VCPIP1: variants seen among roughly 807,000 people sequenced by gnomAD.
The protein encoded by VCPIP1 is valosin containing protein interacting protein 1, also known as deubiquitinating protein VCPIP1.
Under a neutral mutation model 85.0 loss-of-function variants are expected in VCPIP1, and 8 were observed. That is an observed-to-expected ratio of 0.09 (90% CI 0.06 to 0.17). The LOEUF (loss-of-function observed/expected upper bound fraction) is 0.17. Among genes scored for constraint, VCPIP1 ranks in the 10% least tolerant of loss-of-function variants. The pLI is 1.00. For synonymous variants in VCPIP1, 543 were observed against 544.5 expected (o/e 1.00, Z 0.04); for missense variants, 1,070 against 1,486.3 (o/e 0.72, Z 4.61).
chr8:66,666,660 C>T lies in VCPIP1; in HGVS notation c.299G>A (p.Arg100Gln). Residue 100 changes from arginine (R) to glutamine (Q), a missense_variant, in exon 1 of 3, where the codon CGG (arginine) becomes CAG (glutamine). Physicochemically the swap from Arg to Gln is conservative, Grantham distance 43. Transcript: ENST00000310421. The surrounding 1 kb of genome is among the most constrained non-coding windows in gnomAD (Gnocchi z 6.3). ...DPDVVLHNLL[R>Q]NALLGVTGAP... is the part of the protein sequence containing the mutation. ...CCCCGTAACCCCGAGCAGCGCGTTC[C>T]GCAGCAGGTTGTGTAGCACTACGTC... is the stretch of plus-strand genomic sequence containing the variant. The T allele has an allele frequency of 6.2e-7, 1 of 1,614,198 alleles. No homozygotes were observed. The highest frequency in any genetic ancestry group is 8.5e-7 in the Non-Finnish European group (1 of 1,180,038).
In VCPIP1 at chr8:66,632,364, A is replaced by G. The variant is rs1183450737; in HGVS notation, c.*2137T>C. The stretch of plus-strand genomic sequence containing the variant: ...ATCACTTATCAGAATTGAGCCTTTT[A>G]TTCATTTATCAAGGGAGAACCCAAA... On this transcript the variant is annotated 3_prime_UTR_variant, in exon 3 of 3. Transcript: ENST00000310421. 1 of 152,124 alleles carries G rather than the reference A, an allele frequency of 6.6e-6. No homozygotes were observed. Among genetic ancestry groups the G allele is most frequent in the Admixed American group, 6.5e-5 (1 of 15,274 alleles). The allele number at this position is 152,124 out of a possible 1,614,324, so 9.4% of individuals were successfully genotyped here.
chr8:66,643,206 C>T (rs547418216), intron 2 of VCPIP1, among the ~76,000 whole-genome samples: 1 of 151,954 alleles, frequency 6.6e-6, no homozygotes, highest in African/African-American at 2.4e-5. Context: ...GCCTTTAATC[C>T]CAGCTACTTG....
rs1810803181 is a variant in VCPIP1 at position 66,628,715 on chromosome 8, G to A, written c.*5786C>T. 1 of 152,220 alleles carries A rather than the reference G, an allele frequency of 6.6e-6. No individual in the cohort carries two copies. Among genetic ancestry groups the A allele is most frequent in the African/African-American group, 2.4e-5 (1 of 41,456 alleles). 9.4% of individuals were successfully genotyped at this position (152,220 alleles called of 1,614,324 possible). A position where few individuals can be genotyped will look rare whatever the true frequency, so the allele number is the denominator to read the frequency against. ...CCTCAAGTCCAAGTTTGGGATAACT[G>A]TAGCCAACACCTAAAGGAAAGGTAA... is the stretch of plus-strand genomic sequence containing the variant. On this transcript the variant is annotated 3_prime_UTR_variant, in exon 3 of 3. Transcript: ENST00000310421.
chr8:66,646,646 A>G (rs1810998069), intron 2 of VCPIP1, among the ~76,000 whole-genome samples: 1 of 152,102 alleles, frequency 6.6e-6, no homozygotes, highest in African/African-American at 2.4e-5. Flanking sequence ...AATTACAAAA[A>G]TTAGCCAGGT....
At chr8:66,635,913 C>CAAA (rs1187108604) in intron 2 of VCPIP1, among the ~76,000 whole-genome samples, 8 of 75,714 alleles carry the variant, frequency 1.1e-4, no homozygotes, top group Admixed American at 1.6e-4. Context: ...AACTCTATCT[C>CAAA]AAAAAAAAAA....
intron 2 of VCPIP1, among the ~76,000 whole-genome samples, chr8:66,643,282 C>T (rs908007533): frequency 9.9e-5 from 15 of 150,920 alleles, no homozygotes; most frequent in African/African-American, 3.7e-4. Flanking sequence ...GAGATCACGG[C>T]ACTGCACTCC....
Position 66,656,943 on chromosome 8 carries a change from T to C in VCPIP1, c.2711-5399A>G, listed in dbSNP as rs1244687541. Among the ~76,000 whole-genome samples the C allele has an allele frequency of 2.6e-5, 4 of 152,118 alleles. No individual in the cohort carries two copies. In the East Asian group the frequency reaches 7.7e-4, roughly 29 times the overall value. ...ATTTTTGAGACAGAATCTTGCTCTG[T>C]CCCCCAGCCTGAAGTGCAGTGGCGC... On this transcript the variant is annotated intron_variant, in intron 1 of 2. Transcript: ENST00000310421.
At chr8:66,660,158 C>A (rs1392892949) in intron 1 of VCPIP1, among the ~76,000 whole-genome samples, 1 of 152,164 alleles carries the variant, frequency 6.6e-6, no homozygotes, top group Non-Finnish European at 1.5e-5. Context: ...GTACACTCAA[C>A]ATACATACAA....
intron 1 of VCPIP1, among the ~76,000 whole-genome samples, chr8:66,658,970 G>C (rs1040897646): frequency 1.3e-5 from 2 of 152,114 alleles, no homozygotes; most frequent in African/African-American, 4.8e-5. Flanking sequence ...AGTAAAGCAA[G>C]GAAGTGTCAT....
At chr8:66,643,594 C>T (rs113333418) in intron 2 of VCPIP1, among the ~76,000 whole-genome samples, 5 of 150,408 alleles carry the variant, frequency 3.3e-5, no homozygotes, top group Non-Finnish European at 5.9e-5. Context: ...CCCAGCTACT[C>T]GGGGAGGCTG....
In VCPIP1 at chr8:66,630,897, T is replaced by A. The variant is rs1404486507; in HGVS notation, c.*3604A>T. 1 of 152,590 alleles carries A rather than the reference T, an allele frequency of 6.6e-6. No individual in the cohort carries two copies. Among genetic ancestry groups the A allele is most frequent in the Non-Finnish European group, 1.5e-5 (1 of 67,980 alleles). The allele number at this position is 152,590 out of a possible 1,614,324, so 9.5% of individuals were successfully genotyped here. On this transcript the variant is annotated 3_prime_UTR_variant, in exon 3 of 3. Transcript: ENST00000310421. ...GTTGTTTTATTTCTTAAATATACAT[T>A]CTACTAAGGAATATTTTCATGTGAA...
intron 2 of VCPIP1, among the ~76,000 whole-genome samples, chr8:66,638,897 A>C (rs1289371794): frequency 6.6e-6 from 1 of 150,386 alleles, no homozygotes; most frequent in Non-Finnish European, 1.5e-5. Context: ...TTTGCCATTC[A>C]TTTCTTCATT....
In VCPIP1 at chr8:66,666,635, C is replaced by T; in HGVS notation, c.324G>A (p.Gly108=). 2 of 1,614,166 alleles carry T rather than the reference C, an allele frequency of 1.2e-6. No individual in the cohort carries two copies. Among genetic ancestry groups the T allele is most frequent in the Non-Finnish European group, 1.7e-6 (2 of 1,180,024 alleles). The change falls in exon 1 of 3, where the codon GGG becomes GGA. Residue 108 remains glycine (G), a synonymous_variant. Transcript: ENST00000310421. This position sits in a 1 kb window ranked among gnomAD's most constrained non-coding sequence, Gnocchi z 6.3. ...LLRNALLGVT[G]APKKNTELVK... is the part of the protein sequence containing the mutation. ...CCAGTTCCGTGTTCTTCTTGGGTGCCCCCGTAACCCCGAGCAGCGCGTTCC... is the reference window on the plus strand; with the variant it reads ...CCAGTTCCGTGTTCTTCTTGGGTGCTCCCGTAACCCCGAGCAGCGCGTTCC...
In VCPIP1 at chr8:66,646,182, C is replaced by G. The variant is rs144490238; in HGVS notation, c.2797+5276G>C. The stretch of plus-strand genomic sequence containing the variant: ...CCACCTCCTGGGTTCAAGGGCTTCT[C>G]CTGCCTCAGCCTCCCAAATAGCTGG... On this transcript the variant is annotated intron_variant, in intron 2 of 2. Coordinates refer to ENST00000310421, the MANE Select transcript of VCPIP1 (RefSeq NM_025054.5). 3.7e-3 allele frequency among the ~76,000 whole-genome samples: 554 copies of G among 151,766 alleles called. 38 individuals carry two copies. In the East Asian group the frequency reaches 0.099, roughly 27 times the overall value.
chr8:66,640,163 T>A (rs1207941212), intron 2 of VCPIP1, among the ~76,000 whole-genome samples: 4 of 152,072 alleles, frequency 2.6e-5, no homozygotes, highest in Non-Finnish European at 4.4e-5. Context: ...CAGAAAAAAA[T>A]TCTATTTTGG....
intron 1 of VCPIP1, among the ~76,000 whole-genome samples, chr8:66,654,876 A>G (rs1811085261): frequency 6.6e-6 from 1 of 152,216 alleles, no homozygotes; most frequent in African/African-American, 2.4e-5. Context: ...GGCAAAGTCC[A>G]AGTTCCTTTT....
chr8:66,636,613 C>A (rs907390181), intron 2 of VCPIP1, among the ~76,000 whole-genome samples: 1 of 151,264 alleles, frequency 6.6e-6, no homozygotes, highest in African/African-American at 2.4e-5. Flanking sequence ...CATGGTGGTG[C>A]GCGCCTGTAG....
In VCPIP1 at chr8:66,644,586, T is replaced by TTCA. The variant is rs1810976433; in HGVS notation, c.2797+6871_2797+6872insTGA. ...ATCTGTGAAAAACCTGCAAGCTGAA[T>TTCA]GCTTCCAAGATATGGAAAAAGGAAA... On this transcript the variant is annotated intron_variant, in intron 2 of 2. Coordinates refer to ENST00000310421, the MANE Select transcript of VCPIP1 (RefSeq NM_025054.5). Among the ~76,000 whole-genome samples the TTCA allele has an allele frequency of 3.3e-5, 5 of 152,276 alleles. No individual in the cohort carries two copies. The South Asian group carries it at 1.0e-3, about 32-fold the overall frequency.
intron 1 of VCPIP1, 138 bp from the exon 2 acceptor site, chr8:66,651,682 G>A: frequency 1.7e-6 from 1 of 593,598 alleles, no homozygotes; most frequent in Non-Finnish European, 2.9e-6. Context: ...GCCATAGAGG[G>A]ATGATACTGA....
Sources: allele counts gnomAD v4.1 joint callset (sites outside exome capture counted in the v4.1 genomes callset), GRCh38; gene constraint gnomAD v4.1.1; non-coding constraint Gnocchi (gnomAD v3.1); transcripts MANE v1.5; gene names NCBI Gene and HGNC (gene_info 2026-07-23, HGNC 2026-07-21).